UBXN2B: variants seen among roughly 807,000 people sequenced by gnomAD.
The protein encoded by UBXN2B is UBX domain-containing protein 2B.
A neutral mutation model predicts 37.5 loss-of-function variants in UBXN2B; 19 were observed. That is an observed-to-expected ratio of 0.51 (90% CI 0.35 to 0.74). The LOEUF is 0.74. Among genes scored for constraint, UBXN2B ranks in the 30% least tolerant of loss-of-function variants. UBXN2B has a pLI of 0.01. For synonymous variants in UBXN2B, 145 were observed against 143.8 expected, an observed-to-expected ratio of 1.01 and a Z score of -0.06; for missense variants, 370 against 393.2, an observed-to-expected ratio of 0.94 and a Z score of 0.50.
intron 6 of UBXN2B, among the ~76,000 whole-genome samples, chr8:58,442,542 A>G (rs1269672539): frequency 6.6e-6 from 1 of 152,236 alleles, no homozygotes; most frequent in Non-Finnish European, 1.5e-5. Context: ...TGTTACATAG[A>G]TGGGAACTAA....
Position 58,451,459 on chromosome 8 carries a change from G to C in UBXN2B, c.*3908G>C, listed in dbSNP as rs1160341363. 1 of 152,168 alleles carries C rather than the reference G, an allele frequency of 6.6e-6. No homozygotes were observed. Among genetic ancestry groups the C allele is most frequent in the Non-Finnish European group, 1.5e-5 (1 of 68,016 alleles). 9.4% of individuals were successfully genotyped at this position (152,168 alleles called of 1,614,324 possible). A position where few individuals can be genotyped will look rare whatever the true frequency, so the allele number is the denominator to read the frequency against. On this transcript the variant is annotated 3_prime_UTR_variant, in exon 8 of 8. Transcript: ENST00000399598. ...CATGATGTATGTAATCAAAAAGTTTGAAATGTCTGCTTACTAATAAAGAAT... is the reference window on the plus strand; with the variant it reads ...CATGATGTATGTAATCAAAAAGTTTCAAATGTCTGCTTACTAATAAAGAAT...
intron 2 of UBXN2B, among the ~76,000 whole-genome samples, chr8:58,419,040 T>C (rs1194337440): frequency 6.6e-6 from 1 of 152,248 alleles, no homozygotes; most frequent in Admixed American, 6.5e-5. Context: ...AACAATGCTG[T>C]GATTAATAGG....
At chr8:58,417,733 T>C (rs1807821019) in intron 2 of UBXN2B, among the ~76,000 whole-genome samples, 1 of 152,226 alleles carries the variant, frequency 6.6e-6, no homozygotes, top group Non-Finnish European at 1.5e-5. Flanking sequence ...AAAGCAAGAC[T>C]AGTAGAGTAA....
intron 2 of UBXN2B, among the ~76,000 whole-genome samples, chr8:58,428,633 T>C (rs537562567): frequency 6.6e-6 from 1 of 152,364 alleles, no homozygotes; most frequent in Admixed American, 6.5e-5. Flanking sequence ...TTTTCACTTA[T>C]ATTTAATAAG....
At chr8:58,438,890 G>T (rs1162713137) in intron 5 of UBXN2B, among the ~76,000 whole-genome samples, 1 of 152,130 alleles carries the variant, frequency 6.6e-6, no homozygotes, top group Non-Finnish European at 1.5e-5. Context: ...CATTACTGAG[G>T]TGGGGCTGGT....
chr8:58,433,074 T>C (rs1019208209), intron 3 of UBXN2B, 86 bp from the exon 4 acceptor site: 11 of 1,123,526 alleles, frequency 9.8e-6, no homozygotes, highest in African/African-American at 1.6e-5. Flanking sequence ...TAATTAGAAT[T>C]AATCTAGTTT....
chr8:58,411,519 G>T lies in UBXN2B; in HGVS notation c.84+50G>T, dbSNP rs1009333566. 6.5e-6 allele frequency: 8 copies of T among 1,236,086 alleles called. No individual in the cohort carries two copies. The Admixed American group carries it at 1.3e-4, about 20-fold the overall frequency. The allele number at this position is 1,236,086 out of a possible 1,614,324, so 76.6% of individuals were successfully genotyped here. A position where few individuals can be genotyped will look rare whatever the true frequency, so the allele number is the denominator to read the frequency against. On this transcript the variant is annotated intron_variant, in intron 1 of 7. Transcript: ENST00000399598. ...AGCGCGGCGGTGGACGCGGGCTGGT[G>T]ACGGCGCGGGCTGGTGCGAGTTGGA...
chr8:58,438,488 G>T (rs1291354766), intron 5 of UBXN2B, among the ~76,000 whole-genome samples: 4 of 152,218 alleles, frequency 2.6e-5, no homozygotes, highest in Non-Finnish European at 5.9e-5. Flanking sequence ...TATATGGGAC[G>T]TGGCATCAAG....
intron 2 of UBXN2B, among the ~76,000 whole-genome samples, chr8:58,421,633 C>T (rs1396555788): frequency 6.6e-6 from 1 of 152,194 alleles, no homozygotes; most frequent in Non-Finnish European, 1.5e-5. Context: ...CAGCAACCAC[C>T]TCTTTGGAAC....
At position 58,447,706 on chromosome 8, in the gene UBXN2B, A is replaced by G; in HGVS notation, c.*155A>G. The G allele has an allele frequency of 1.5e-6, 1 of 659,426 alleles. No individual in the cohort carries two copies. The highest frequency in any genetic ancestry group is 2.3e-6 in the Non-Finnish European group (1 of 436,416). The allele number at this position is 659,426 out of a possible 1,614,324, so 40.8% of individuals were successfully genotyped here. ...ATTCTGTCTTCCAATCTGAATATAG[A>G]CAAATTTGGATTAGGAATAGACCTT... is the stretch of plus-strand genomic sequence containing the variant. On this transcript the variant is annotated 3_prime_UTR_variant, in exon 8 of 8. Transcript: ENST00000399598.
chr8:58,415,452 T>A (rs1158506626), intron 1 of UBXN2B, among the ~76,000 whole-genome samples: 1 of 152,052 alleles, frequency 6.6e-6, no homozygotes, highest in East Asian at 1.9e-4. Context: ...CTATCATTTG[T>A]TTGTTTTTTG....
intron 6 of UBXN2B, among the ~76,000 whole-genome samples, chr8:58,441,886 C>T (rs1330093526): frequency 6.6e-6 from 1 of 152,126 alleles, no homozygotes; most frequent in Admixed American, 6.5e-5. Context: ...AGGTTTCTTA[C>T]AGGATCTTGT....
chr8:58,417,355 G>A (rs956641601), intron 2 of UBXN2B, among the ~76,000 whole-genome samples: 8 of 152,134 alleles, frequency 5.3e-5, no homozygotes, highest in Admixed American at 3.9e-4. Flanking sequence ...TTTGTCATTC[G>A]TTTTTAAGGA....
chr8:58,440,981 G>C (rs528290916), intron 6 of UBXN2B, among the ~76,000 whole-genome samples: 5 of 151,446 alleles, frequency 3.3e-5, no homozygotes, highest in East Asian at 1.9e-4. Context: ...TACACGTCAG[G>C]CTTCTCTTTC....
At chr8:58,445,196 G>GACT (rs943825958) in intron 6 of UBXN2B, among the ~76,000 whole-genome samples, 8 of 152,192 alleles carry the variant, frequency 5.3e-5, no homozygotes, top group Admixed American at 1.3e-4. Flanking sequence ...GCTAGTGTTA[G>GACT]AAGGGGCTAA....
At chr8:58,441,817 C>T (rs1265160779) in intron 6 of UBXN2B, among the ~76,000 whole-genome samples, 1 of 152,154 alleles carries the variant, frequency 6.6e-6, no homozygotes, top group Non-Finnish European at 1.5e-5. Context: ...TGTTAATTTA[C>T]TAGCCATATT....
At chr8:58,425,416 T>C in intron 2 of UBXN2B, 1 of 1,137,904 alleles carries the variant, frequency 8.8e-7, no homozygotes, top group Non-Finnish European at 1.3e-6. Context: ...CTTTGAATTG[T>C]TACACTTGGT....
At chr8:58,416,465 A>G (rs1274503104) in intron 1 of UBXN2B, among the ~76,000 whole-genome samples, 1 of 152,136 alleles carries the variant, frequency 6.6e-6, no homozygotes, top group Non-Finnish European at 1.5e-5. Context: ...GCTGAATGAA[A>G]CTATTTTATG....
chr8:58,424,718 G>C (rs1439453864), intron 2 of UBXN2B: 2 of 1,372,558 alleles, frequency 1.5e-6, no homozygotes, highest in Non-Finnish European at 2.1e-6. Context: ...CCACTCGTCT[G>C]GTCCGCTAGA....
Sources: allele counts gnomAD v4.1 joint callset (sites outside exome capture counted in the v4.1 genomes callset), GRCh38; gene constraint gnomAD v4.1.1; transcripts MANE v1.5; gene names NCBI Gene and HGNC (gene_info 2026-07-23, HGNC 2026-07-21).